The following ARRDC3 variants were observed in gnomAD, a reference collection of about 807,000 sequenced individuals.
ARRDC3 encodes arrestin domain-containing protein 3.
A neutral mutation model predicts 47.2 loss-of-function variants in ARRDC3; 10 were observed. The observed-to-expected ratio is 0.21, with a 90% CI of 0.13 to 0.36. The LOEUF is 0.36. ARRDC3 is among the 10% of genes least tolerant of loss of function. The probability of loss-of-function intolerance (pLI) is 1.00; values close to 1 mark genes in which losing one functional copy is unlikely to be tolerated. For missense variants in ARRDC3, 381 were observed against 503.6 expected, an observed-to-expected ratio of 0.76 and a Z score of 2.33; for synonymous variants, 156 against 178.3, an observed-to-expected ratio of 0.87 and a Z score of 1.00.
chr5:91,383,244 T>A lies in ARRDC3; in HGVS notation c.-152A>T. 6 of 744,704 alleles carry A rather than the reference T, an allele frequency of 8.1e-6. No homozygotes were observed. The highest frequency in any genetic ancestry group is 1.2e-5 in the Non-Finnish European group (6 of 481,562). 46.1% of individuals were successfully genotyped at this position (744,704 alleles called of 1,614,324 possible). A position where few individuals can be genotyped will look rare whatever the true frequency, so the allele number is the denominator to read the frequency against. ...ATTCTCTACAAATAGTTCATTGAGA[T>A]TTCTTAAAAAGTCAGGGCAGCAGAG... On this transcript the variant is annotated 5_prime_UTR_variant, in exon 1 of 8. Coordinates refer to ENST00000265138, the MANE Select transcript of ARRDC3 (RefSeq NM_020801.4).
chr5:91,375,724 G>A, intron 3 of ARRDC3, 111 bp from the exon 4 acceptor site: 1 of 690,818 alleles, frequency 1.4e-6, no homozygotes, highest in Non-Finnish European at 2.1e-6. Flanking sequence ...ATTACAACTG[G>A]TTTTGCTTTT....
At chr5:91,378,835 G>T in intron 1 of ARRDC3, 60 bp from the exon 2 acceptor site, 1 of 1,118,300 alleles carries the variant, frequency 8.9e-7, no homozygotes, top group South Asian at 1.5e-5. Flanking sequence ...ATACTCCGCA[G>T]GGTGGCATAA....
At chr5:91,371,995 A>G (rs1799188287) in intron 7 of ARRDC3, among the ~76,000 whole-genome samples, 1 of 152,186 alleles carries the variant, frequency 6.6e-6, no homozygotes, top group African/African-American at 2.4e-5. Flanking sequence ...GTAATAACTC[A>G]TGGGTGTAAA....
chr5:91,374,897 A>T, intron 5 of ARRDC3, 25 bp downstream of exon 5: 1 of 1,604,028 alleles, frequency 6.2e-7, no homozygotes, highest in African/African-American at 1.3e-5. Context: ...AAAGAAAGGA[A>T]AAAACCTCTT....
In ARRDC3 at chr5:91,375,186, G is replaced by C; in HGVS notation, c.614-8C>G. ...ATATCTGAATTGATTCACCTAGAGA[G>C]GGAAAAATATATACATATCTACTGT... On this transcript the variant is annotated splice_region_variant and splice_polypyrimidine_tract_variant and intron_variant, in intron 4 of 7. Coordinates refer to ENST00000265138, the MANE Select transcript of ARRDC3 (RefSeq NM_020801.4). 6.2e-7 allele frequency: 1 copy of C among 1,610,018 alleles called. No individual in the cohort carries two copies. The highest frequency in any genetic ancestry group is 8.5e-7 in the Non-Finnish European group (1 of 1,178,788).
intron 4 of ARRDC3, 67 bp downstream of exon 4, chr5:91,375,444 T>C (rs748920706): frequency 7.1e-5 from 75 of 1,059,364 alleles, no homozygotes; most frequent in Non-Finnish European, 1.0e-4. Context: ...TTAGTAGTCA[T>C]ATTATAAATT....
At chr5:91,374,410 CTT>C in intron 5 of ARRDC3, 134 bp from the exon 6 acceptor site, 1 of 739,742 alleles carries the variant, frequency 1.4e-6, no homozygotes, top group Non-Finnish European at 2.2e-6. Flanking sequence ...AAAAGTTTCT[CTT>C]TTATGTATAA....
intron 1 of ARRDC3, chr5:91,380,214 G>GCGC (rs989551533): frequency 1.1e-4 from 18 of 164,098 alleles, no homozygotes; most frequent in South Asian, 6.8e-4. Flanking sequence ...GCCTGCCCGC[G>GCGC]CGCCGCCGCC....
intron 6 of ARRDC3, 78 bp from the exon 7 acceptor site, chr5:91,373,916 A>C (rs1799239865): frequency 6.4e-7 from 1 of 1,565,786 alleles, no homozygotes; most frequent in African/African-American, 1.4e-5. Context: ...AGGTATTAAA[A>C]AGCAACGTCA....
In ARRDC3 at chr5:91,378,771, A is replaced by G; in HGVS notation, c.285T>C (p.Asp95=). ...TGTGGAAGCCTTCTTCGGAATTATC[A>G]TCATCTAAAACAAACATAAAAAGAA... The part of the protein sequence containing the change: ...KDILIGHERD[D]DNSEEGFHTI... The change falls in exon 2 of 8, where the codon GAT becomes GAC. Residue 95 remains aspartate, a synonymous_variant. Coordinates refer to ENST00000265138, the MANE Select transcript of ARRDC3 (RefSeq NM_020801.4). 1 of 1,585,398 alleles carries G rather than the reference A, an allele frequency of 6.3e-7. No individual in the cohort carries two copies. The highest frequency in any genetic ancestry group is 8.6e-7 in the Non-Finnish European group (1 of 1,166,208).
intron 4 of ARRDC3, 109 bp downstream of exon 4, chr5:91,375,402 T>C (rs1561291792): frequency 1.7e-5 from 15 of 901,940 alleles, no homozygotes; most frequent in Non-Finnish European, 1.3e-5. Flanking sequence ...CAATTTGTTA[T>C]TTCACAAAAG....
In ARRDC3 at chr5:91,374,990, G is replaced by A. The variant is rs1475357872; in HGVS notation, c.802C>T (p.Leu268=). The A allele has an allele frequency of 1.9e-6, 3 of 1,614,206 alleles. No homozygotes were observed. Among genetic ancestry groups the A allele is most frequent in the Non-Finnish European group, 2.5e-6 (3 of 1,180,010 alleles). The part of the protein sequence containing the change: ...GKTETWNGKL[L]KIPPVSPSIL... ...GAGGGAGAAACTGGTGGAATTTTCA[G>A]CAACTTGCCATTCCACGTCTCTGTC... The change falls in exon 5 of 8, where the codon CTG becomes TTG. Residue 268 remains leucine, a synonymous_variant. Coordinates refer to ENST00000265138, the MANE Select transcript of ARRDC3 (RefSeq NM_020801.4).
chr5:91,382,072 C>T (rs891606388), intron 1 of ARRDC3, among the ~76,000 whole-genome samples: 2 of 152,128 alleles, frequency 1.3e-5, no homozygotes, highest in African/African-American at 4.8e-5. Context: ...TTTTCAATTC[C>T]ATTTGACTGG....
Position 91,369,600 on chromosome 5 carries a change from G to C in ARRDC3, c.*1800C>G, listed in dbSNP as rs995135231. ...TGAGCTTTAAGACAGTATTTAACCA[G>C]GTCAAGCACCAAGCCAGAGCTACTA... On this transcript the variant is annotated 3_prime_UTR_variant, in exon 8 of 8. Transcript: ENST00000265138. 6.6e-6 allele frequency: 1 copy of C among 152,376 alleles called. No individual in the cohort carries two copies. The highest frequency in any genetic ancestry group is 1.5e-5 in the Non-Finnish European group (1 of 68,006). The allele number at this position is 152,376 out of a possible 1,614,324, so 9.4% of individuals were successfully genotyped here.
Position 91,382,578 on chromosome 5 carries a change from G to A in ARRDC3, c.280+235C>T, listed in dbSNP as rs148175939. Among the ~76,000 whole-genome samples, 111 of 152,366 alleles carry A rather than the reference G, an allele frequency of 7.3e-4. No homozygotes were observed. The Middle Eastern group carries it at 0.014, about 19-fold the overall frequency. On this transcript the variant is annotated intron_variant, in intron 1 of 7. Coordinates refer to ENST00000265138, the MANE Select transcript of ARRDC3 (RefSeq NM_020801.4). ...ACTACAAGTGCGTGTGGCACAGACC[G>A]AGCCGGGTACAGAGGTAGCTGAATA...
chr5:91,382,912 CA>C lies in ARRDC3; in HGVS notation c.180del (p.Glu61AsnfsTer19). 1 of 1,614,164 alleles carries C rather than the reference CA, an allele frequency of 6.2e-7. No homozygotes were observed. Among genetic ancestry groups the C allele is most frequent in the Non-Finnish European group, 8.5e-7 (1 of 1,180,022 alleles). ...GTATTGGAGCCGGCGTTTCTAGATT[CA>C]GTCCAGCGTACTTTCGCATGTCCTC... ...HARGHAKVRWTESRNAGSNTA... is the reference protein window; with the variant it reads ...HARGHAKVRWXESRNAGSNTA... On this transcript the variant is annotated frameshift_variant, in exon 1 of 8. Coordinates refer to ENST00000265138, the MANE Select transcript of ARRDC3 (RefSeq NM_020801.4). LOFTEE classifies it high-confidence loss of function.
chr5:91,372,129 G>T (rs1239312358), intron 7 of ARRDC3, among the ~76,000 whole-genome samples: 1 of 152,008 alleles, frequency 6.6e-6, no homozygotes, highest in Non-Finnish European at 1.5e-5. Context: ...TATTTTTAAT[G>T]AAAAGTTGCT....
chr5:91,374,861 G>A, intron 5 of ARRDC3, 61 bp downstream of exon 5: 1 of 1,535,254 alleles, frequency 6.5e-7, no homozygotes, highest in Non-Finnish European at 8.9e-7. Flanking sequence ...ATTCCAGCCT[G>A]GGTGACAGGT....
Position 91,371,106 on chromosome 5 carries a change from T to A in ARRDC3, c.*294A>T. The A allele has an allele frequency of 1.1e-5, 3 of 272,534 alleles. No homozygotes were observed. Among genetic ancestry groups the A allele is most frequent in the Non-Finnish European group, 1.4e-5 (2 of 145,454 alleles). 16.9% of individuals were successfully genotyped at this position (272,534 alleles called of 1,614,324 possible). ...TTTTCAAATCAAAAGAAGGAAATCA[T>A]CCCTCTTTACAACGTGATGTCTTGA... is the stretch of plus-strand genomic sequence containing the variant. On this transcript the variant is annotated 3_prime_UTR_variant, in exon 8 of 8. Coordinates refer to ENST00000265138, the MANE Select transcript of ARRDC3 (RefSeq NM_020801.4).
Sources: allele counts gnomAD v4.1 joint callset (sites outside exome capture counted in the v4.1 genomes callset), GRCh38; gene constraint gnomAD v4.1.1; transcripts MANE v1.5; gene names NCBI Gene and HGNC (gene_info 2026-07-23, HGNC 2026-07-21).